Variants in RASA1 observed in about 807,000 individuals in gnomAD.
RASA1 encodes RAS p21 protein activator 1, also known as ras GTPase-activating protein 1.
RASA1 carries 25 observed loss-of-function variants against 132.2 expected under a neutral mutation model. The ratio of observed to expected loss-of-function variants is 0.19; its 90% CI spans 0.14 to 0.26. The LOEUF is 0.26. Ranked by LOEUF, RASA1 falls within the 10% of genes least tolerant of loss-of-function variation. The pLI, the probability that RASA1 is intolerant of heterozygous loss-of-function variation, is 1.00. For missense variants in RASA1, 964 were observed against 1,299.2 expected (o/e 0.74, Z 3.97); for synonymous variants, 477 against 449.9 (o/e 1.06, Z -0.76).
intron 2 of RASA1, 39 bp from the exon 3 acceptor site, chr5:87,332,468 A>G (rs1407398978): frequency 6.4e-7 from 1 of 1,565,802 alleles, no homozygotes; most frequent in African/African-American, 1.4e-5. Flanking sequence ...AATTGGCTGT[A>G]AAGATTTTTT....
chr5:87,326,064 C>T (rs755747056), intron 1 of RASA1, among the ~76,000 whole-genome samples: 13 of 152,074 alleles, frequency 8.5e-5, no homozygotes, highest in Non-Finnish European at 1.6e-4. Context: ...CTTGACTTCC[C>T]GGGCTTAAGC....
intron 15 of RASA1, among the ~76,000 whole-genome samples, chr5:87,375,537 A>T (rs1326245052): frequency 2.6e-5 from 4 of 152,232 alleles, no homozygotes; most frequent in Non-Finnish European, 5.9e-5. Context: ...CTGGGATTAC[A>T]TTACCATATA....
At chr5:87,375,084 A>G (rs981052308) in intron 15 of RASA1, among the ~76,000 whole-genome samples, 168 bp downstream of exon 15, 4 of 152,176 alleles carry the variant, frequency 2.6e-5, no homozygotes, top group Admixed American at 6.6e-5. Flanking sequence ...AAGAAAGAAT[A>G]TACCTAAGAT....
At chr5:87,358,192 C>T (rs1379038297) in intron 9 of RASA1, among the ~76,000 whole-genome samples, 8 of 152,192 alleles carry the variant, frequency 5.3e-5, no homozygotes, top group Non-Finnish European at 8.8e-5. Context: ...TCCTAGCTAG[C>T]TTTGCTTACT....
chr5:87,348,428 C>T (rs1759017284), intron 7 of RASA1, among the ~76,000 whole-genome samples: 1 of 151,790 alleles, frequency 6.6e-6, no homozygotes, highest in Non-Finnish European at 1.5e-5. Flanking sequence ...GAGTCACTGC[C>T]AATCAAAGAT....
chr5:87,319,904 T>C (rs1033037941), intron 1 of RASA1, among the ~76,000 whole-genome samples: 3 of 152,218 alleles, frequency 2.0e-5, no homozygotes, highest in Non-Finnish European at 4.4e-5. Context: ...TAAACATAAG[T>C]TCCAATTTCA....
chr5:87,389,728 G>A (rs1762346985), intron 24 of RASA1, among the ~76,000 whole-genome samples: 1 of 152,146 alleles, frequency 6.6e-6, no homozygotes, highest in South Asian at 2.1e-4. Flanking sequence ...AAAAACATCA[G>A]GTTTTGCTCT....
At chr5:87,289,269 G>A (rs955858313) in intron 1 of RASA1, among the ~76,000 whole-genome samples, 1 of 152,178 alleles carries the variant, frequency 6.6e-6, no homozygotes, top group Non-Finnish European at 1.5e-5. Context: ...AAGGGCACAT[G>A]ACGTCAATTA....
intron 4 of RASA1, among the ~76,000 whole-genome samples, chr5:87,336,206 T>C (rs1042252671): frequency 1.6e-4 from 24 of 152,310 alleles, no homozygotes; most frequent in Non-Finnish European, 3.2e-4. Context: ...TTTGTAAAAG[T>C]ATCTTTTTCA....
intron 12 of RASA1, among the ~76,000 whole-genome samples, chr5:87,371,703 C>T (rs1476553709): frequency 1.3e-5 from 2 of 152,086 alleles, no homozygotes; most frequent in African/African-American, 4.8e-5. Flanking sequence ...TTACAATCAG[C>T]ACTCTCCCCC....
At chr5:87,334,834 C>T (rs981487386) in intron 4 of RASA1, among the ~76,000 whole-genome samples, 4 of 151,698 alleles carry the variant, frequency 2.6e-5, no homozygotes, top group African/African-American at 9.7e-5. Flanking sequence ...TGCTGTGTAC[C>T]AGGGATCAGT....
chr5:87,281,209 C>T (rs1464357670), intron 1 of RASA1, among the ~76,000 whole-genome samples: 1 of 151,496 alleles, frequency 6.6e-6, no homozygotes, highest in African/African-American at 2.4e-5. Context: ...CAGCAATGCA[C>T]AAGGGTTAGA....
chr5:87,296,619 T>A (rs368948171), intron 1 of RASA1, among the ~76,000 whole-genome samples: 1 of 122,486 alleles, frequency 8.2e-6, no homozygotes. Context: ...CTCAACACTT[T>A]AGTTTAATTT....
At chr5:87,294,980 T>A (rs1755057037) in intron 1 of RASA1, among the ~76,000 whole-genome samples, 1 of 152,224 alleles carries the variant, frequency 6.6e-6, no homozygotes, top group African/African-American at 2.4e-5. Context: ...ATTTATGTAT[T>A]TCCTCTTGAA....
At chr5:87,385,603 G>C (rs1023612315) in intron 22 of RASA1, among the ~76,000 whole-genome samples, 3 of 151,984 alleles carry the variant, frequency 2.0e-5, no homozygotes, top group Non-Finnish European at 4.4e-5. Context: ...TATAGAAAAC[G>C]AATTTTTCAA....
rs550101117 is a variant in RASA1 at position 87,273,788 on chromosome 5, C to T, written c.539+4798C>T. On this transcript the variant is annotated intron_variant, in intron 1 of 24. Transcript: ENST00000274376. ...TCTTGGCTCACTGCAACCTCCGCCT[C>T]CCGGATTCAGGTGATTCTCCTGCCT... Among the ~76,000 whole-genome samples the T allele has an allele frequency of 5.5e-4, 83 of 151,416 alleles. No homozygotes were observed. The South Asian group carries it at 7.3e-3, about 13-fold the overall frequency.
At position 87,391,193 on chromosome 5, in the gene RASA1, A is replaced by G; in HGVS notation, c.*310A>G. ...CTGTATCTTGATATCTCGAACTTTC[A>G]AAATATATTTTCAGTACACCCAGTT... On this transcript the variant is annotated 3_prime_UTR_variant, in exon 25 of 25. Coordinates refer to ENST00000274376, the MANE Select transcript of RASA1 (RefSeq NM_002890.3). 1 of 476,786 alleles carries G rather than the reference A, an allele frequency of 2.1e-6. No individual in the cohort carries two copies. The highest frequency in any genetic ancestry group is 3.8e-6 in the Non-Finnish European group (1 of 262,424). 29.5% of individuals were successfully genotyped at this position (476,786 alleles called of 1,614,324 possible). A position where few individuals can be genotyped will look rare whatever the true frequency, so the allele number is the denominator to read the frequency against.
At chr5:87,340,075 A>T (rs550681512) in intron 5 of RASA1, among the ~76,000 whole-genome samples, 1 of 152,232 alleles carries the variant, frequency 6.6e-6, no homozygotes, top group South Asian at 2.1e-4. Context: ...CATTGCCTAG[A>T]ATAGTGTCTG....
At chr5:87,299,075 G>T (rs772885155) in intron 1 of RASA1, among the ~76,000 whole-genome samples, 9 of 152,156 alleles carry the variant, frequency 5.9e-5, no homozygotes, top group African/African-American at 2.2e-4. Flanking sequence ...ACTGCTCAAG[G>T]TCATCGCCAA....
Sources: gnomAD v4.1 joint callset for allele counts (sites outside exome capture counted in the v4.1 genomes callset) on GRCh38, gnomAD v4.1.1 for gene constraint, MANE v1.5 for transcripts, NCBI Gene and HGNC (gene_info 2026-07-23, HGNC 2026-07-21) for gene names.